GADL1: variants seen among roughly 807,000 people sequenced by gnomAD.
GADL1 encodes acidic amino acid decarboxylase GADL1.
GADL1 carries 71 observed loss-of-function variants against 69.5 expected under a neutral mutation model. The observed-to-expected ratio is 1.02, with a 90% CI of 0.84 to 1.25. The LOEUF is 1.25. Ranked by LOEUF, GADL1 falls within the 50% of genes most tolerant of loss-of-function variation. GADL1 has a pLI of 0.00. For missense variants in GADL1, 737 were observed against 631.8 expected (o/e 1.17, Z -1.79); for synonymous variants, 254 against 214.4 (o/e 1.18, Z -1.62).
At chr3:30,770,437 C>T (rs2125491781) in intron 14 of GADL1, among the ~76,000 whole-genome samples, 1 of 152,314 alleles carries the variant, frequency 6.6e-6, no homozygotes, top group Admixed American at 6.5e-5. Flanking sequence ...GCCAGTGGCA[C>T]TCCGTACAGA....
At chr3:30,762,198 G>GAAGA (rs1411540483) in intron 14 of GADL1, among the ~76,000 whole-genome samples, 2 of 152,132 alleles carry the variant, frequency 1.3e-5, no homozygotes, top group Non-Finnish European at 2.9e-5. Flanking sequence ...ACAGTGAAGA[G>GAAGA]AAGAGGGGCT....
At chr3:30,784,765 C>A (rs1392918035) in intron 13 of GADL1, among the ~76,000 whole-genome samples, 1 of 152,174 alleles carries the variant, frequency 6.6e-6, no homozygotes, top group African/African-American at 2.4e-5. Flanking sequence ...AGTCAGACTC[C>A]TGTCTTCTTA....
chr3:30,823,402 T>C (rs1697624561), intron 11 of GADL1, among the ~76,000 whole-genome samples: 2 of 151,938 alleles, frequency 1.3e-5, no homozygotes, highest in South Asian at 4.2e-4. Flanking sequence ...AAGAAATCCC[T>C]TTTCTTGTTT....
At chr3:30,884,745 A>T (rs1367638518) in intron 1 of GADL1, among the ~76,000 whole-genome samples, 1 of 152,094 alleles carries the variant, frequency 6.6e-6, no homozygotes, top group Admixed American at 6.6e-5. Flanking sequence ...ATTAAAAATC[A>T]TACTCCCCAG....
At chr3:30,814,200 C>T (rs1056158932) in intron 11 of GADL1, among the ~76,000 whole-genome samples, 14 of 152,130 alleles carry the variant, frequency 9.2e-5, no homozygotes, top group African/African-American at 3.4e-4. Context: ...GTCAAAGTCA[C>T]ACAAGGCAGT....
intron 14 of GADL1, among the ~76,000 whole-genome samples, chr3:30,750,356 G>A (rs140383791): frequency 6.6e-4 from 100 of 152,216 alleles, no homozygotes; most frequent in Non-Finnish European, 1.0e-3. Context: ...CACCAGACAC[G>A]CACCAACAGT....
intron 9 of GADL1, among the ~76,000 whole-genome samples, chr3:30,835,594 C>T (rs1361901383): frequency 1.3e-5 from 2 of 152,086 alleles, no homozygotes; most frequent in East Asian, 1.9e-4. Flanking sequence ...AGTCAGGGTG[C>T]ATAATTCAAG....
At chr3:30,780,391 T>C (rs1216174823) in intron 13 of GADL1, among the ~76,000 whole-genome samples, 1 of 152,158 alleles carries the variant, frequency 6.6e-6, no homozygotes, top group African/African-American at 2.4e-5. Context: ...GGACTCTCCC[T>C]TGGGCGCTCT....
At chr3:30,805,302 C>T (rs944866704) in intron 11 of GADL1, among the ~76,000 whole-genome samples, 6 of 152,112 alleles carry the variant, frequency 3.9e-5, no homozygotes, top group East Asian at 1.9e-4. Flanking sequence ...AGGGCCTGAA[C>T]GCTAACCTAT....
intron 3 of GADL1, among the ~76,000 whole-genome samples, chr3:30,856,431 C>T (rs1420273389): frequency 6.6e-6 from 1 of 152,028 alleles, no homozygotes; most frequent in African/African-American, 2.4e-5. Context: ...GTTATGACAT[C>T]ACTGTGAAAT....
chr3:30,845,855 A>G (rs1189783969), intron 6 of GADL1, among the ~76,000 whole-genome samples: 1 of 152,176 alleles, frequency 6.6e-6, no homozygotes, highest in East Asian at 1.9e-4. Context: ...TATTGATTTC[A>G]TAATGATAAA....
chr3:30,869,676 T>C (rs930134949), intron 1 of GADL1, among the ~76,000 whole-genome samples: 1 of 151,872 alleles, frequency 6.6e-6, no homozygotes, highest in Non-Finnish European at 1.5e-5. Context: ...TAATCATTTC[T>C]TTAGTCTCAT....
At chr3:30,875,708 C>T (rs558202714) in intron 1 of GADL1, among the ~76,000 whole-genome samples, 1 of 151,924 alleles carries the variant, frequency 6.6e-6, no homozygotes, top group South Asian at 2.1e-4. Flanking sequence ...TTTCCTAATC[C>T]AGTATTCTCT....
intron 1 of GADL1, among the ~76,000 whole-genome samples, chr3:30,882,109 T>G (rs938254497): frequency 1.3e-5 from 2 of 151,696 alleles, no homozygotes; most frequent in African/African-American, 4.9e-5. Context: ...TTTTACACAC[T>G]TTTCTATCCT....
At chr3:30,797,765 A>AT in intron 12 of GADL1, 1 of 151,268 alleles carries the variant, frequency 6.6e-6, no homozygotes. Context: ...ACCATGTGGG[A>AT]TTGAGAGCAT....
intron 11 of GADL1, among the ~76,000 whole-genome samples, chr3:30,805,669 C>A (rs551676623): frequency 1.4e-5 from 2 of 147,526 alleles, no homozygotes; most frequent in East Asian, 4.1e-4. Flanking sequence ...AATCTGCGGT[C>A]TCTTTTTGGT....
At chr3:30,756,641 G>A (rs971695133) in intron 14 of GADL1, among the ~76,000 whole-genome samples, 9 of 152,108 alleles carry the variant, frequency 5.9e-5, no homozygotes, top group African/African-American at 2.2e-4. Flanking sequence ...ATTTGCTCTC[G>A]GAACACTACC....
chr3:30,888,222 A>C, intron 1 of GADL1, among the ~76,000 whole-genome samples: 1 of 152,166 alleles, frequency 6.6e-6, no homozygotes, highest in East Asian at 1.9e-4. Flanking sequence ...CAAAATCAGG[A>C]TGCTGGTTAC....
intron 11 of GADL1, among the ~76,000 whole-genome samples, chr3:30,814,912 C>T (rs995639760): frequency 1.3e-5 from 2 of 151,404 alleles, no homozygotes; most frequent in Non-Finnish European, 2.9e-5. Context: ...TTCAATGAGC[C>T]GAGATTGTGC....
Sources: allele counts gnomAD v4.1 joint callset (sites outside exome capture counted in the v4.1 genomes callset), GRCh38; gene constraint gnomAD v4.1.1; transcripts MANE v1.5; gene names NCBI Gene and HGNC (gene_info 2026-07-23, HGNC 2026-07-21).